Variants in ABCA4 observed in about 807,000 individuals in gnomAD.
ABCA4 encodes retinal-specific phospholipid-transporting ATPase ABCA4.
Under a neutral mutation model 263.7 loss-of-function variants are expected in ABCA4, and 196 were observed. That is an observed-to-expected ratio of 0.74 (90% CI 0.66 to 0.84). ABCA4 has a LOEUF of 0.84. Ranked by LOEUF, ABCA4 falls within the 40% of genes least tolerant of loss-of-function variation. The pLI is 0.00. For missense variants in ABCA4, 2,792 were observed against 2,855.1 expected, an observed-to-expected ratio of 0.98 and a Z score of 0.50; for synonymous variants, 1,133 against 1,094.2, an observed-to-expected ratio of 1.04 and a Z score of -0.70.
At chr1:93,994,945 CA>C (rs2100984297) in intron 49 of ABCA4, among the ~76,000 whole-genome samples, 1 of 152,242 alleles carries the variant, frequency 6.6e-6, no homozygotes, top group South Asian at 2.1e-4. Context: ...TTTTGCTACC[CA>C]ATTCTATATT....
In ABCA4 at chr1:94,024,501, G is replaced by A. The variant is rs181267546; in HGVS notation, c.4634+453C>T. 2.0e-3 allele frequency among the ~76,000 whole-genome samples: 304 copies of A among 152,220 alleles called. 2 individuals carry two copies. The highest frequency in any genetic ancestry group is 7.0e-3 in the African/African-American group (290 of 41,530). ...GTGTGCTGGACTCAGACACTGTCCC[G>A]CTGCCTCTTTCCCACCCTATCTTTT... On this transcript the variant is annotated intron_variant, in intron 31 of 49. Coordinates refer to ENST00000370225, the MANE Select transcript of ABCA4 (RefSeq NM_000350.3).
rs575347460 is a variant in ABCA4 at position 94,049,857 on chromosome 1, C to G, written c.2654-900G>C. On this transcript the variant is annotated intron_variant, in intron 17 of 49. Coordinates refer to ENST00000370225, the MANE Select transcript of ABCA4 (RefSeq NM_000350.3). ...ACACACACACACACACACAAACAGA[C>G]ACTTTTTGGCAAACTTGGCATTTGG... 3.3e-5 allele frequency among the ~76,000 whole-genome samples: 5 copies of G among 152,082 alleles called. No individual in the cohort carries two copies. In the East Asian group the frequency reaches 9.7e-4, roughly 29 times the overall value.
chr1:94,074,780 G>A (rs929939101), intron 11 of ABCA4, among the ~76,000 whole-genome samples: 1 of 152,166 alleles, frequency 6.6e-6, no homozygotes, highest in Non-Finnish European at 1.5e-5. Flanking sequence ...ATTCCTCAAG[G>A]ATCTAGAACC....
Position 94,008,754 on chromosome 1 carries a change from G to T in ABCA4, c.5832C>A (p.Thr1944=). Residue 1944 remains threonine (T), a synonymous_variant, in exon 41 of 50, where the codon ACC becomes ACA. Coordinates refer to ENST00000370225, the MANE Select transcript of ABCA4 (RefSeq NM_000350.3). The stretch of plus-strand genomic sequence containing the variant: ...AAACTCATACCCATTCCCTTACCTT[G>T]GTTAGTTCATGTAGCCTTAAGATGT... ...KTDILRLHEL[T]KIYPGTSSPA... is the part of the protein sequence containing the mutation. The T allele has an allele frequency of 1.2e-6, 2 of 1,613,948 alleles. No individual in the cohort carries two copies. The highest frequency in any genetic ancestry group is 1.3e-5 in the African/African-American group (1 of 74,986).
At chr1:94,023,870 AT>A (rs905103047) in intron 31 of ABCA4, among the ~76,000 whole-genome samples, 2 of 152,188 alleles carry the variant, frequency 1.3e-5, no homozygotes, top group Non-Finnish European at 2.9e-5. Context: ...CATTCAGTCA[AT>A]CAAGGGTAAA....
At chr1:94,078,560 C>G (rs1557794215) in intron 10 of ABCA4, 30 bp downstream of exon 10, 1 of 839,604 alleles carries the variant, frequency 1.2e-6, no homozygotes, top group African/African-American at 1.9e-5. Context: ...TCCTCCTCCC[C>G]TCCCCTCCCC....
chr1:94,023,908 C>G (rs1194879600), intron 31 of ABCA4, among the ~76,000 whole-genome samples: 1 of 152,184 alleles, frequency 6.6e-6, no homozygotes, highest in Admixed American at 6.6e-5. Flanking sequence ...TGAACAGATG[C>G]CAACTCTGGA....
chr1:94,005,251 T>A, intron 44 of ABCA4, 190 bp downstream of exon 44: 1 of 671,518 alleles, frequency 1.5e-6, no homozygotes, highest in South Asian at 2.1e-5. Context: ...TTTTTTTGTC[T>A]GTCTTGTTCA....
intron 35 of ABCA4, among the ~76,000 whole-genome samples, 188 bp from the exon 36 acceptor site, chr1:94,019,947 G>C (rs1055089047): frequency 6.6e-6 from 1 of 152,162 alleles, no homozygotes; most frequent in Admixed American, 6.5e-5. Context: ...GGTTAAATGG[G>C]TATTTGCGGG....
intron 6 of ABCA4, among the ~76,000 whole-genome samples, chr1:94,097,604 G>A (rs1016314443): frequency 6.6e-6 from 1 of 152,166 alleles, no homozygotes; most frequent in African/African-American, 2.4e-5. Flanking sequence ...TGAAAGTGTG[G>A]CCTACAATGG....
At position 94,018,704 on chromosome 1, in the gene ABCA4, T is replaced by C. The variant is rs1455455942; in HGVS notation, c.5196+878A>G. ...TTGAGATTTTACTACTCAAGACACC[T>C]AGAATAAATTGGGGTTGATGTCATA... On this transcript the variant is annotated intron_variant, in intron 36 of 49. Transcript: ENST00000370225. 3 of 424,456 alleles carry C rather than the reference T, an allele frequency of 7.1e-6. No individual in the cohort carries two copies. The East Asian group carries it at 2.1e-4, about 30-fold the overall frequency. The allele number at this position is 424,456 out of a possible 1,614,324, so 26.3% of individuals were successfully genotyped here. A position where few individuals can be genotyped will look rare whatever the true frequency, so the allele number is the denominator to read the frequency against.
intron 22 of ABCA4, 69 bp downstream of exon 22, chr1:94,042,692 G>A: frequency 1.2e-6 from 2 of 1,605,494 alleles, no homozygotes; most frequent in Non-Finnish European, 1.7e-6. Context: ...AATGGCAGGT[G>A]AGAGAGTGGG....
intron 5 of ABCA4, 85 bp downstream of exon 5, chr1:94,102,930 G>A: frequency 1.3e-6 from 2 of 1,581,362 alleles, no homozygotes. Flanking sequence ...GAAGAAAGAA[G>A]AAAAAAGCCA....
Position 94,062,689 on chromosome 1 carries a change from C to T in ABCA4, c.1825G>A (p.Ala609Thr). The change falls in exon 13 of 50, where the codon GCC becomes ACC. Residue 609 changes from alanine to threonine, a missense_variant. Coordinates refer to ENST00000370225, the MANE Select transcript of ABCA4 (RefSeq NM_000350.3). ...EDFRYIWGGF[A>T]YLQDMVEQGI... ...TGTTCAACCATGTCCTGCAGATAGG[C>T]AAACCCGCCCCAGATGTACCGGAAA... 3.1e-6 allele frequency: 5 copies of T among 1,614,170 alleles called. No homozygotes were observed. Among genetic ancestry groups the T allele is most frequent in the East Asian group, 4.5e-5 (2 of 44,872 alleles).
At chr1:94,098,058 T>G (rs1662178922) in intron 6 of ABCA4, among the ~76,000 whole-genome samples, 1 of 152,192 alleles carries the variant, frequency 6.6e-6, no homozygotes, top group Non-Finnish European at 1.5e-5. Flanking sequence ...CGCCCGGCCC[T>G]CTGATGGTTT....
intron 11 of ABCA4, 117 bp from the exon 12 acceptor site, chr1:94,063,434 G>T (rs1348505824): frequency 9.9e-7 from 1 of 1,006,050 alleles, no homozygotes. Flanking sequence ...CAAATGCAAG[G>T]AGGCCTATAA....
In ABCA4 at chr1:94,010,907, CG is replaced by C; in HGVS notation, c.5606del (p.Pro1869ArgfsTer6). The C allele has an allele frequency of 6.2e-7, 1 of 1,614,122 alleles. No individual in the cohort carries two copies. The highest frequency in any genetic ancestry group is 8.5e-7 in the Non-Finnish European group (1 of 1,180,024). On this transcript the variant is annotated frameshift_variant, in exon 40 of 50. Coordinates refer to ENST00000370225, the MANE Select transcript of ABCA4 (RefSeq NM_000350.3). LOFTEE classifies it high-confidence loss of function. ...TCTTCCCAATCAGGTCCCAGTGGAACGGATTTGCAGAGTGCTCCTCACCTGG... is the reference window on the plus strand; with the variant it reads ...TCTTCCCAATCAGGTCCCAGTGGAACGATTTGCAGAGTGCTCCTCACCTGG... ...ARFGEEHSAN[P>X]FHWDLIGKNL...
chr1:94,113,199 A>G (rs1662660780), intron 1 of ABCA4, 133 bp from the exon 2 acceptor site: 2 of 818,450 alleles, frequency 2.4e-6, no homozygotes, highest in East Asian at 2.7e-5. Flanking sequence ...CTTTACCTAA[A>G]CAGTTTCCTT....
intron 42 of ABCA4, 70 bp from the exon 43 acceptor site, chr1:94,007,810 A>AGT (rs1659433684): frequency 2.1e-6 from 3 of 1,425,990 alleles, no homozygotes; most frequent in Non-Finnish European, 3.0e-6. Flanking sequence ...CCCCAGGGTA[A>AGT]GTGTGTGTGT....
Sources: allele counts gnomAD v4.1 joint callset (sites outside exome capture counted in the v4.1 genomes callset), GRCh38; gene constraint gnomAD v4.1.1; transcripts MANE v1.5; gene names NCBI Gene and HGNC (gene_info 2026-07-23, HGNC 2026-07-21).